HERC1: variants seen among roughly 807,000 people sequenced by gnomAD.
HERC1 encodes the protein HECT and RLD domain containing E3 ubiquitin protein ligase family member 1, also known as probable E3 ubiquitin-protein ligase HERC1.
A neutral mutation model predicts 554.3 loss-of-function variants in HERC1; 160 were observed. The observed-to-expected ratio is 0.29, with a 90% CI of 0.25 to 0.33. The LOEUF is 0.33. Ranked by LOEUF, HERC1 falls within the 10% of genes least tolerant of loss-of-function variation. The pLI is 1.00. For missense variants in HERC1, 4,919 were observed against 5,918.5 expected (o/e 0.83, Z 5.54); for synonymous variants, 2,175 against 2,131.7 (o/e 1.02, Z -0.56).
At position 63,746,935 on chromosome 15, in the gene HERC1, G is replaced by T. The variant is rs1268352321; in HGVS notation, c.2503C>A (p.Pro835Thr). 1 of 1,552,120 alleles carries T rather than the reference G, an allele frequency of 6.4e-7. No individual in the cohort carries two copies. The highest frequency in any genetic ancestry group is 8.7e-7 in the Non-Finnish European group (1 of 1,147,230). The part of the protein sequence containing the change: ...LLFRLMDSTV[P>T]DEIQEVVIET... ...TCTCTTACCTCTTGGATTTCATCTGGGACAGTTGAGTCCATCAGTCTGAAG... is the reference window on the plus strand; with the variant it reads ...TCTCTTACCTCTTGGATTTCATCTGTGACAGTTGAGTCCATCAGTCTGAAG... The change falls in exon 12 of 78, where the codon CCA becomes ACA. Residue 835 changes from proline (P) to threonine (T), a missense_variant. By Grantham distance (38) the Pro-to-Thr change is conservative (BLOSUM62 -1). Transcript: ENST00000443617.
Position 63,689,695 on chromosome 15 carries a change from A to G in HERC1, c.5942T>C (p.Val1981Ala). ...GVEDDQMAQI[V>A]ERLFSLLSDC... ...AGAGAGAAGGGAAAATAAGCGCTCA[A>G]CAATCTGTTTTATTGAAGAAAAAAG... The change falls in exon 33 of 78, where the codon GTT becomes GCT. Residue 1981 changes from valine to alanine, a missense_variant. Physicochemically the swap from Val to Ala is moderately conservative, Grantham distance 64. Transcript: ENST00000443617. 6.4e-7 allele frequency: 1 copy of G among 1,552,224 alleles called. No homozygotes were observed.
At chr15:63,730,510 G>A (rs1399318944) in intron 14 of HERC1, among the ~76,000 whole-genome samples, 1 of 152,084 alleles carries the variant, frequency 6.6e-6, no homozygotes, top group Non-Finnish European at 1.5e-5. Flanking sequence ...TACAATGTGT[G>A]ATTCTGGACA....
At position 63,783,897 on chromosome 15, in the gene HERC1, C is replaced by T. The variant is rs2076360557; in HGVS notation, c.-26-8248G>A. Among the ~76,000 whole-genome samples, 4 of 152,130 alleles carry T rather than the reference C, an allele frequency of 2.6e-5. No individual in the cohort carries two copies. The South Asian group carries it at 8.3e-4, about 32-fold the overall frequency. ...CCTGGCCAACATGGTGAAACCCCGT[C>T]TCTAATAAAAATACAAAAATTAGCT... On this transcript the variant is annotated intron_variant, in intron 1 of 77. Coordinates refer to ENST00000443617, the MANE Select transcript of HERC1 (RefSeq NM_003922.4).
intron 72 of HERC1, 36 bp downstream of exon 72, chr15:63,624,122 A>G: frequency 6.5e-7 from 1 of 1,543,284 alleles, no homozygotes; most frequent in East Asian, 2.3e-5. Flanking sequence ...TGAAAAAATC[A>G]CAGCTCATTA....
intron 63 of HERC1, among the ~76,000 whole-genome samples, chr15:63,637,898 A>C (rs543779296): frequency 6.6e-6 from 1 of 152,190 alleles, no homozygotes; most frequent in African/African-American, 2.4e-5. Flanking sequence ...AAGAAAAAGG[A>C]AGGGGTGATG....
rs140101758 is a variant in HERC1, at chr15:63,766,574, G to A, written c.931-2383C>T. ...AGCCTAGGTGACAGAATGAGACTCC[G>A]TCTCAAAATAAAAAACAGCACATTA... On this transcript the variant is annotated intron_variant, in intron 2 of 77. Coordinates refer to ENST00000443617, the MANE Select transcript of HERC1 (RefSeq NM_003922.4). Among the ~76,000 whole-genome samples, 78 of 152,308 alleles carry A rather than the reference G, an allele frequency of 5.1e-4. No homozygotes were observed. In the East Asian group the frequency reaches 0.012, roughly 23 times the overall value.
chr15:63,612,471 A>G lies in HERC1; in HGVS notation c.14180T>C (p.Val4727Ala). 3.7e-6 allele frequency: 6 copies of G among 1,613,918 alleles called. No homozygotes were observed. Among genetic ancestry groups the G allele is most frequent in the Non-Finnish European group, 4.2e-6 (5 of 1,179,874 alleles). ...LLTAKQLEQMVCGMPEISVEV... is the reference protein window; with the variant it reads ...LLTAKQLEQMACGMPEISVEV... ...CACAGAGATCTCGGGCATCCCACAC[A>G]CCATCTGCTCCAGTTGTTTTGCTGT... The change falls in exon 77 of 78, where the codon GTG (valine) becomes GCG (alanine). Residue 4727 changes from valine (V) to alanine (A), a missense_variant. By Grantham distance (64) the Val-to-Ala change is moderately conservative. Transcript: ENST00000443617. The surrounding 1 kb of genome is among the most constrained non-coding windows in gnomAD (Gnocchi z 5.0).
intron 12 of HERC1, among the ~76,000 whole-genome samples, chr15:63,742,660 G>A (rs546824072): frequency 6.6e-6 from 1 of 152,160 alleles, no homozygotes; most frequent in African/African-American, 2.4e-5. Flanking sequence ...CTAGTTTGTT[G>A]AATATTTTTA....
chr15:63,810,595 T>C (rs988314334), intron 1 of HERC1, among the ~76,000 whole-genome samples: 69 of 152,196 alleles, frequency 4.5e-4, no homozygotes, highest in African/African-American at 1.4e-3. Flanking sequence ...TTTTATACTA[T>C]GTAAGTTTCT....
In HERC1 at chr15:63,626,159, C is replaced by T; in HGVS notation, c.13106-5G>A. The stretch of plus-strand genomic sequence containing the variant: ...GCTGCAGAGGTACTGACACACCTGT[C>T]CAGAAAGCAAATGGGCACTTATGAA... On this transcript the variant is annotated splice_polypyrimidine_tract_variant and splice_region_variant and intron_variant, in intron 70 of 77. Transcript: ENST00000443617. 1.9e-6 allele frequency: 3 copies of T among 1,609,980 alleles called. No homozygotes were observed. Among genetic ancestry groups the T allele is most frequent in the Non-Finnish European group, 2.5e-6 (3 of 1,178,964 alleles).
In HERC1 at chr15:63,712,720, A is replaced by G. The variant is rs1205889653; in HGVS notation, c.4584+55T>C. 16 of 1,540,744 alleles carry G rather than the reference A, an allele frequency of 1.0e-5. No homozygotes were observed. In the Admixed American group the frequency reaches 2.5e-4, roughly 24 times the overall value. ...TTACTTACTCTAACCAAAGCCTTAC[A>G]TATCATATACCTTGAAAACAAAAAT... On this transcript the variant is annotated intron_variant, in intron 24 of 77. Coordinates refer to ENST00000443617, the MANE Select transcript of HERC1 (RefSeq NM_003922.4).
chr15:63,776,982 CAT>C (rs1230897266), intron 1 of HERC1, among the ~76,000 whole-genome samples: 3 of 152,166 alleles, frequency 2.0e-5, no homozygotes, highest in African/African-American at 2.4e-5. Flanking sequence ...GATGCATTGA[CAT>C]ATATTTTTTA....
At chr15:63,714,842 T>C (rs1051588778) in intron 22 of HERC1, among the ~76,000 whole-genome samples, 3 of 152,094 alleles carry the variant, frequency 2.0e-5, no homozygotes, top group Admixed American at 2.0e-4. Flanking sequence ...CCACCGCACC[T>C]GGCCCAAAGA....
intron 14 of HERC1, among the ~76,000 whole-genome samples, chr15:63,731,925 A>C (rs1198102304): frequency 6.6e-6 from 1 of 152,196 alleles, no homozygotes; most frequent in Non-Finnish European, 1.5e-5. Context: ...TACGTGTACA[A>C]TGTACAATTC....
chr15:63,784,527 G>A (rs915351495), intron 1 of HERC1, among the ~76,000 whole-genome samples: 2 of 152,114 alleles, frequency 1.3e-5, no homozygotes, highest in African/African-American at 4.8e-5. Context: ...TTGGGTTACT[G>A]GGAGCTGGGG....
chr15:63,690,484 G>A, intron 32 of HERC1, 57 bp downstream of exon 32: 1 of 1,086,564 alleles, frequency 9.2e-7, no homozygotes, highest in Admixed American at 1.8e-5. Context: ...GTACAGATTT[G>A]GGTGAATCAT....
chr15:63,732,573 C>G (rs1440785310), intron 14 of HERC1, among the ~76,000 whole-genome samples: 1 of 152,150 alleles, frequency 6.6e-6, no homozygotes, highest in Non-Finnish European at 1.5e-5. Context: ...TCCTACTGAC[C>G]AACCTATTCT....
intron 42 of HERC1, among the ~76,000 whole-genome samples, chr15:63,664,886 T>C (rs1009867529): frequency 2.0e-5 from 3 of 152,200 alleles, no homozygotes; most frequent in Non-Finnish European, 4.4e-5. Context: ...TCCTAAAAGA[T>C]TAAATACTTA....
chr15:63,612,103 G>A lies in HERC1; in HGVS notation c.14400+148C>T. On this transcript the variant is annotated intron_variant, in intron 77 of 77. Transcript: ENST00000443617. This position sits in a 1 kb window ranked among gnomAD's most constrained non-coding sequence, Gnocchi z 5.0. The stretch of plus-strand genomic sequence containing the variant: ...CTGCGGAGGCTGAGGCAGGAGAACT[G>A]CTTGAAGCTAGGAAGCGGAGGTTGC... 2 of 691,884 alleles carry A rather than the reference G, an allele frequency of 2.9e-6. No individual in the cohort carries two copies. Among genetic ancestry groups the A allele is most frequent in the Non-Finnish European group, 4.7e-6 (2 of 422,064 alleles). 42.9% of individuals were successfully genotyped at this position (691,884 alleles called of 1,614,324 possible).
Sources: allele counts gnomAD v4.1 joint callset (sites outside exome capture counted in the v4.1 genomes callset), GRCh38; gene constraint gnomAD v4.1.1; non-coding constraint Gnocchi (gnomAD v3.1); transcripts MANE v1.5; gene names NCBI Gene and HGNC (gene_info 2026-07-23, HGNC 2026-07-21).